The following TPD52L1 variants were observed in gnomAD, a reference collection of about 807,000 sequenced individuals.
The protein encoded by TPD52L1 is TPD52 like 1.
A neutral mutation model predicts 28.7 loss-of-function variants in TPD52L1; 18 were observed. The ratio of observed to expected loss-of-function variants is 0.63; its 90% CI spans 0.43 to 0.93. The LOEUF is 0.93. Among genes scored for constraint, TPD52L1 ranks in the 40% least tolerant of loss-of-function variants. The pLI, the probability that TPD52L1 is intolerant of heterozygous loss-of-function variation, is 0.00. For missense variants in TPD52L1, 203 were observed against 254.8 expected, an observed-to-expected ratio of 0.80 and a Z score of 1.39; for synonymous variants, 75 against 88.8, an observed-to-expected ratio of 0.84 and a Z score of 0.88.
chr6:125,201,583 A>G (rs1451791767), intron 1 of TPD52L1, among the ~76,000 whole-genome samples: 1 of 152,180 alleles, frequency 6.6e-6, no homozygotes, highest in Non-Finnish European at 1.5e-5. Flanking sequence ...AAAGCCAACA[A>G]TGTGTGGTTA....
intron 1 of TPD52L1, among the ~76,000 whole-genome samples, chr6:125,160,998 G>A (rs111464433): frequency 0.015 from 2,275 of 152,086 alleles, 58 homozygotes; most frequent in African/African-American, 0.052. Context: ...GATTACAGGT[G>A]CGTGCCACCA....
intron 2 of TPD52L1, among the ~76,000 whole-genome samples, chr6:125,221,079 A>G (rs73577793): frequency 1.1e-4 from 16 of 152,042 alleles, no homozygotes; most frequent in African/African-American, 3.9e-4. Flanking sequence ...CACTTTGTCC[A>G]CTCTGAACTC....
intron 1 of TPD52L1, among the ~76,000 whole-genome samples, chr6:125,206,442 A>G (rs1361856912): frequency 1.3e-5 from 2 of 152,228 alleles, no homozygotes; most frequent in East Asian, 1.9e-4. Flanking sequence ...GGCACAGAAC[A>G]TGATACTCAT....
intron 2 of TPD52L1, among the ~76,000 whole-genome samples, chr6:125,223,834 T>C (rs781059862): frequency 2.0e-5 from 3 of 152,088 alleles, no homozygotes; most frequent in Non-Finnish European, 4.4e-5. Flanking sequence ...TCACCTCTGA[T>C]CTGGTGCAGT....
chr6:125,153,987 C>T lies in TPD52L1; in HGVS notation c.19+17C>T, dbSNP rs757499393. ...AGGCACAAGGTGAGTGGTCGCCGAT[C>T]GCCCCGAGAGTCAGGTCCTGGGGCG... On this transcript the variant is annotated intron_variant, in intron 1 of 6. Transcript: ENST00000534000. 7 of 1,605,462 alleles carry T rather than the reference C, an allele frequency of 4.4e-6. No individual in the cohort carries two copies. Among genetic ancestry groups the T allele is most frequent in the South Asian group, 3.4e-5 (3 of 89,096 alleles).
At chr6:125,210,876 G>A (rs1387123315) in intron 1 of TPD52L1, among the ~76,000 whole-genome samples, 1 of 152,170 alleles carries the variant, frequency 6.6e-6, no homozygotes, top group Non-Finnish European at 1.5e-5. Context: ...AACTATCACA[G>A]TTACAAAGTT....
intron 3 of TPD52L1, among the ~76,000 whole-genome samples, chr6:125,240,634 G>A (rs917578208): frequency 4.6e-5 from 7 of 151,922 alleles, no homozygotes; most frequent in African/African-American, 1.7e-4. Context: ...TTTGGTCACT[G>A]TTGGTGTACA....
At chr6:125,180,312 A>C (rs1244202064) in intron 1 of TPD52L1, among the ~76,000 whole-genome samples, 1 of 152,206 alleles carries the variant, frequency 6.6e-6, no homozygotes, top group East Asian at 1.9e-4. Flanking sequence ...AGATAGGAAA[A>C]GAAAGTCAGG....
intron 3 of TPD52L1, among the ~76,000 whole-genome samples, chr6:125,234,624 A>G (rs1462186052): frequency 6.6e-6 from 1 of 152,208 alleles, no homozygotes; most frequent in African/African-American, 2.4e-5. Context: ...GCAATCTGAA[A>G]TGCTAAATAC....
intron 1 of TPD52L1, among the ~76,000 whole-genome samples, chr6:125,160,609 C>A (rs1790455386): frequency 6.6e-6 from 1 of 152,214 alleles, no homozygotes; most frequent in South Asian, 2.1e-4. Context: ...ACATTAGCCC[C>A]TAACAAGAGA....
chr6:125,223,534 C>T (rs1285041801), intron 2 of TPD52L1, among the ~76,000 whole-genome samples: 1 of 151,864 alleles, frequency 6.6e-6, no homozygotes, highest in African/African-American at 2.4e-5. Context: ...CATGGTGAAA[C>T]CCTGTCTCTA....
At chr6:125,155,374 A>G (rs1419992509) in intron 1 of TPD52L1, among the ~76,000 whole-genome samples, 3 of 152,254 alleles carry the variant, frequency 2.0e-5, no homozygotes, top group African/African-American at 7.2e-5. Flanking sequence ...ACATGGGTAT[A>G]TTTGAAAGCT....
chr6:125,220,128 AG>A lies in TPD52L1; in HGVS notation c.71del (p.Ser24MetfsTer16). The A allele has an allele frequency of 6.2e-7, 1 of 1,613,948 alleles. No homozygotes were observed. Among genetic ancestry groups the A allele is most frequent in the South Asian group, 1.1e-5 (1 of 91,088 alleles). On this transcript the variant is annotated frameshift_variant, in exon 2 of 7. Transcript: ENST00000534000. LOFTEE classifies it high-confidence loss of function. ...AGGAACAGACGAAGATGCAGTAGCC[AG>A]TGCTGACTTCTCTAGCATGCTCTCT... is the stretch of plus-strand genomic sequence containing the variant. ...LQGTDEDAVA[S>X]ADFSSMLSEE...
chr6:125,172,080 C>T (rs868676689), intron 1 of TPD52L1, among the ~76,000 whole-genome samples: 2,277 of 92,324 alleles, frequency 0.025, 140 homozygotes, highest in African/African-American at 0.13. Flanking sequence ...TTCTTTCTTT[C>T]TCTTTCTTTC....
At chr6:125,252,145 C>G in intron 4 of TPD52L1, 1 of 1,286,836 alleles carries the variant, frequency 7.8e-7, no homozygotes, top group Admixed American at 2.1e-5. Flanking sequence ...CAAAACTACA[C>G]TCTGTTTTCC....
At chr6:125,216,523 GTGTGTGTA>G (rs1326281581) in intron 1 of TPD52L1, among the ~76,000 whole-genome samples, 2 of 45,116 alleles carry the variant, frequency 4.4e-5, no homozygotes, top group African/African-American at 2.0e-4. Context: ...AATTCAGTAT[GTGTGTGTA>G]TATATATATA....
intron 4 of TPD52L1, among the ~76,000 whole-genome samples, chr6:125,249,898 A>G (rs1273135699): frequency 6.6e-6 from 1 of 152,114 alleles, no homozygotes; most frequent in Non-Finnish European, 1.5e-5. Flanking sequence ...ACATTGTTTT[A>G]TCTTCATTTT....
At chr6:125,260,906 A>C in intron 6 of TPD52L1, 1 of 113,204 alleles carries the variant, frequency 8.8e-6, no homozygotes, top group East Asian at 3.2e-4. Context: ...GGGAGAAAGA[A>C]AGGAAAGAAA....
chr6:125,182,302 C>A (rs543525567), intron 1 of TPD52L1, among the ~76,000 whole-genome samples: 6 of 152,296 alleles, frequency 3.9e-5, no homozygotes, highest in African/African-American at 1.2e-4. Context: ...TGATCAAGTG[C>A]ACAGCGCTGT....
Sources: gnomAD v4.1 joint callset for allele counts (sites outside exome capture counted in the v4.1 genomes callset) on GRCh38, gnomAD v4.1.1 for gene constraint, MANE v1.5 for transcripts, NCBI Gene and HGNC (gene_info 2026-07-23, HGNC 2026-07-21) for gene names.